The following CEP120 variants were observed in gnomAD, a reference collection of about 807,000 sequenced individuals.
The protein encoded by CEP120 is centrosomal protein 120, also known as centrosomal protein of 120 kDa.
A neutral mutation model predicts 126.5 loss-of-function variants in CEP120; 113 were observed. That is an observed-to-expected ratio of 0.89 (90% CI 0.77 to 1.04). The LOEUF (loss-of-function observed/expected upper bound fraction) is 1.04. Ranked by LOEUF, CEP120 falls within the 50% of genes least tolerant of loss-of-function variation. The probability of loss-of-function intolerance (pLI) is 0.00; values close to 1 mark genes in which losing one functional copy is unlikely to be tolerated. For synonymous variants in CEP120, 400 were observed against 394.3 expected (o/e 1.01, Z -0.17); for missense variants, 1,230 against 1,155.7 (o/e 1.06, Z -0.93).
At chr5:123,386,402 C>T (rs1772018805) in intron 10 of CEP120, 116 bp downstream of exon 10, 4 of 700,152 alleles carry the variant, frequency 5.7e-6, no homozygotes, top group Non-Finnish European at 8.2e-6. Flanking sequence ...TTTCTTGATC[C>T]TCAAATGCAT....
intron 17 of CEP120, among the ~76,000 whole-genome samples, chr5:123,366,557 C>T (rs1219563316): frequency 2.0e-5 from 3 of 151,972 alleles, no homozygotes; most frequent in South Asian, 2.1e-4. Flanking sequence ...GTCTCTTAAT[C>T]TGCTATTCCC....
intron 5 of CEP120, among the ~76,000 whole-genome samples, chr5:123,398,030 G>A (rs1772909675): frequency 6.6e-6 from 1 of 152,194 alleles, no homozygotes; most frequent in Non-Finnish European, 1.5e-5. Context: ...GCTACAGTGA[G>A]CTATGATCAT....
At chr5:123,392,583 T>G (rs572532786) in intron 6 of CEP120, among the ~76,000 whole-genome samples, 2 of 152,324 alleles carry the variant, frequency 1.3e-5, no homozygotes, top group African/African-American at 4.8e-5. Context: ...TGATCATAGC[T>G]GACTGCAGTC....
chr5:123,391,292 G>T lies in CEP120; in HGVS notation c.856C>A (p.Pro286Thr), dbSNP rs1292212875. 2 of 1,614,130 alleles carry T rather than the reference G, an allele frequency of 1.2e-6. No individual in the cohort carries two copies. Among genetic ancestry groups the T allele is most frequent in the Admixed American group, 1.7e-5 (1 of 60,016 alleles). The stretch of plus-strand genomic sequence containing the variant: ...CCCTTTTTAAGTAATCCAGTTAAAG[G>T]TATTTCTGTACTTCCAAGTGACTGG... Reference protein sequence around the residue: ...GDQSLGSTEIPLTGLLKKGST... With the variant: ...GDQSLGSTEITLTGLLKKGST... Residue 286 changes from proline (P) to threonine (T), a missense_variant, in exon 7 of 20, where the codon CCT (proline) becomes ACT (threonine). By Grantham distance (38) the Pro-to-Thr change is conservative. Coordinates refer to ENST00000306467, the MANE Select transcript of CEP120 (RefSeq NM_001375405.1).
Position 123,388,441 on chromosome 5 carries a change from C to A in CEP120, c.1421G>T (p.Cys474Phe). The change falls in exon 9 of 20, where the codon TGT (cysteine) becomes TTT (phenylalanine). Residue 474 changes from cysteine (C) to phenylalanine (F), a missense_variant. Coordinates refer to ENST00000306467, the MANE Select transcript of CEP120 (RefSeq NM_001375405.1). ...HALEIGFPIN[C>F]ILRYSYPFFG... ...CAAAATCAAATCACACCTTAATATA[C>A]AGTTGATTGGAAAACCAATCTCCAA... 6.5e-7 allele frequency: 1 copy of A among 1,543,320 alleles called. No homozygotes were observed.
chr5:123,377,426 T>C lies in CEP120; in HGVS notation c.2306A>G (p.Glu769Gly), dbSNP rs757553206. 6.2e-7 allele frequency: 1 copy of C among 1,611,550 alleles called. No homozygotes were observed. Among genetic ancestry groups the C allele is most frequent in the Non-Finnish European group, 8.5e-7 (1 of 1,179,210 alleles). The change falls in exon 16 of 20, where the codon GAA becomes GGA. Residue 769 changes from glutamate to glycine, a missense_variant. Transcript: ENST00000306467. ...TTCGAGCTGTTTGATTTTTAACCTT[T>C]CTAGTTCTACTTGGTGAATACAGTC... ...KEDCIHQVEL[E>G]RLKIKQLEED...
At chr5:123,372,850 C>CT (rs894077424) in intron 16 of CEP120, 78 bp from the exon 17 acceptor site, 523 of 1,187,688 alleles carry the variant, frequency 4.4e-4, no homozygotes, top group Middle Eastern at 1.1e-3. Flanking sequence ...TCAACAAGGT[C>CT]TTTTTTTTTA....
chr5:123,358,893 A>C (rs1769857426), intron 18 of CEP120, among the ~76,000 whole-genome samples: 3 of 152,082 alleles, frequency 2.0e-5, no homozygotes, highest in Admixed American at 2.0e-4. Context: ...TCCCACTCAC[A>C]CATACCATGT....
chr5:123,408,489 A>T (rs914914789), intron 4 of CEP120, among the ~76,000 whole-genome samples: 1 of 152,214 alleles, frequency 6.6e-6, no homozygotes, highest in African/African-American at 2.4e-5. Flanking sequence ...TACTATGAAG[A>T]TGTCTAGGCC....
rs776117686 is a variant in CEP120, at chr5:123,423,032, T to TG, written c.-35dup. On this transcript the variant is annotated 5_prime_UTR_variant, in exon 1 of 20. Transcript: ENST00000306467. ...TGAGCGGTCCGGGGGCGAAGGCGGC[T>TG]GGGGGGAAGTGAGGTCCAGTTGAGT... 8.2e-6 allele frequency: 13 copies of TG among 1,594,204 alleles called. No individual in the cohort carries two copies. Among genetic ancestry groups the TG allele is most frequent in the African/African-American group, 1.3e-5 (1 of 74,506 alleles).
chr5:123,375,407 T>G, intron 16 of CEP120, among the ~76,000 whole-genome samples: 1 of 152,026 alleles, frequency 6.6e-6, no homozygotes, highest in Non-Finnish European at 1.5e-5. Context: ...ACTGGAGTCT[T>G]GACCTCCTGG....
At chr5:123,413,640 TA>T (rs566802246) in intron 3 of CEP120, among the ~76,000 whole-genome samples, 32 of 152,338 alleles carry the variant, frequency 2.1e-4, no homozygotes, top group Middle Eastern at 3.4e-3. Context: ...ATGGTGCTTA[TA>T]TTGTCTTTGT....
chr5:123,389,377 T>C (rs949957702), intron 8 of CEP120, among the ~76,000 whole-genome samples: 6 of 152,240 alleles, frequency 3.9e-5, no homozygotes, highest in Non-Finnish European at 5.9e-5. Context: ...TAATGTCTAT[T>C]GAATAGGATA....
At chr5:123,388,666 G>C (rs960672074) in intron 8 of CEP120, 60 bp from the exon 9 acceptor site, 1 of 1,321,150 alleles carries the variant, frequency 7.6e-7, no homozygotes, top group African/African-American at 1.5e-5. Context: ...CTCTTAAATT[G>C]TACAGATAGT....
rs776823634 is a variant in CEP120 at position 123,418,387 on chromosome 5, T to C, written c.178A>G (p.Ile60Val). Reference sequence around the variant, plus strand: ...TGCTGATGAAGCGCTTTCCTGTCAATTTCCCAAGCTAACTCAGTAGCAAAT... The same window carrying C: ...TGCTGATGAAGCGCTTTCCTGTCAACTTCCCAAGCTAACTCAGTAGCAAAT... ...PEFATELAWE[I>V]DRKALHQHRL... is the part of the protein sequence containing the mutation. The change falls in exon 2 of 20, where the codon ATT (isoleucine) becomes GTT (valine). Residue 60 changes from isoleucine (I) to valine (V), a missense_variant. By Grantham distance (29) the Ile-to-Val change is conservative. Transcript: ENST00000306467. 1.2e-6 allele frequency: 2 copies of C among 1,606,930 alleles called. No individual in the cohort carries two copies.
In CEP120 at chr5:123,382,877, C is replaced by G; in HGVS notation, c.1873G>C (p.Val625Leu). The G allele has an allele frequency of 5.6e-6, 9 of 1,613,120 alleles. No homozygotes were observed. The highest frequency in any genetic ancestry group is 7.6e-6 in the Non-Finnish European group (9 of 1,179,522). Residue 625 changes from valine to leucine, a missense_variant, in exon 13 of 20, where the codon GTA becomes CTA. Coordinates refer to ENST00000306467, the MANE Select transcript of CEP120 (RefSeq NM_001375405.1). ...GGAAGAGAAGACGGCTTTTGCTGTA[C>G]GGCAGATACACCCTAAGAGATGAAC... is the stretch of plus-strand genomic sequence containing the variant. ...ISDSSQGVSA[V>L]QQKPSSLPPA...
At chr5:123,358,875 A>G in intron 18 of CEP120, among the ~76,000 whole-genome samples, 1 of 152,064 alleles carries the variant, frequency 6.6e-6, no homozygotes. Context: ...AGTGGCCACT[A>G]CTTACTCTCC....
intron 1 of CEP120, chr5:123,422,635 C>G: frequency 1.7e-6 from 2 of 1,152,432 alleles, no homozygotes; most frequent in Non-Finnish European, 2.5e-6. Context: ...TCAGAACGCG[C>G]TTCTCAGGAC....
intron 18 of CEP120, among the ~76,000 whole-genome samples, chr5:123,356,833 ATTG>A (rs1286734041): frequency 6.6e-6 from 1 of 152,054 alleles, no homozygotes; most frequent in Non-Finnish European, 1.5e-5. Context: ...AAATACTGTT[ATTG>A]TTGTTTTCCT....
Sources: allele counts gnomAD v4.1 joint callset (sites outside exome capture counted in the v4.1 genomes callset), GRCh38; gene constraint gnomAD v4.1.1; transcripts MANE v1.5; gene names NCBI Gene and HGNC (gene_info 2026-07-23, HGNC 2026-07-21).